Variants in ARAP1 observed in about 807,000 individuals in gnomAD.
The protein encoded by ARAP1 is arf-GAP with Rho-GAP domain, ANK repeat and PH domain-containing protein 1.
ARAP1 carries 76 observed loss-of-function variants against 172.2 expected under a neutral mutation model. The ratio of observed to expected loss-of-function variants is 0.44; its 90% CI spans 0.37 to 0.53. The LOEUF (loss-of-function observed/expected upper bound fraction) is 0.53. Ranked by LOEUF, ARAP1 falls within the 20% of genes least tolerant of loss-of-function variation. The probability of loss-of-function intolerance (pLI) is 0.00; values close to 1 mark genes in which losing one functional copy is unlikely to be tolerated. For missense variants in ARAP1, 1,686 were observed against 1,977.5 expected (o/e 0.85, Z 2.80); for synonymous variants, 804 against 803.3 (o/e 1.00, Z -0.01).
At chr11:72,686,705 C>A (rs1855702323) in intron 33 of ARAP1, among the ~76,000 whole-genome samples, 1 of 152,180 alleles carries the variant, frequency 6.6e-6, no homozygotes, top group South Asian at 2.1e-4. Context: ...GTCATCCCCA[C>A]CATGTCCCTG....
Position 72,707,387 on chromosome 11 carries a change from GGGTGGGGAGATT to G in ARAP1, c.1524-25_1524-14del, listed in dbSNP as rs1429312124. ...GTCAGCAGAGAAGCTGGGGACATAG[GGGTGGGGAGATT>G]AGTGGGGATGGACTCAGAGGGATTT... On this transcript the variant is annotated splice_polypyrimidine_tract_variant and intron_variant, in intron 11 of 34. Transcript: ENST00000393609. 1 of 1,605,724 alleles carries G rather than the reference GGGTGGGGAGATT, an allele frequency of 6.2e-7. No homozygotes were observed. Among genetic ancestry groups the G allele is most frequent in the Non-Finnish European group, 8.5e-7 (1 of 1,174,964 alleles).
At chr11:72,705,571 T>A in intron 13 of ARAP1, 1 of 489,690 alleles carries the variant, frequency 2.0e-6, no homozygotes, top group Non-Finnish European at 3.6e-6. Flanking sequence ...CCTTTTTTTT[T>A]CTTTAAAAAA....
intron 3 of ARAP1, chr11:72,721,809 G>A (rs1008539515): frequency 3.2e-5 from 32 of 985,810 alleles, no homozygotes; most frequent in Non-Finnish European, 3.6e-5. Context: ...TCCCTCCTAC[G>A]TGCCCAACAG....
At chr11:72,746,110 C>G (rs948040295) in intron 1 of ARAP1, among the ~76,000 whole-genome samples, 1 of 152,190 alleles carries the variant, frequency 6.6e-6, no homozygotes, top group Non-Finnish European at 1.5e-5. Flanking sequence ...TGATGGCCAG[C>G]AGTGTGACCC....
At chr11:72,722,228 T>C in intron 3 of ARAP1, 4 of 985,600 alleles carry the variant, frequency 4.1e-6, no homozygotes, top group Non-Finnish European at 2.4e-6. Context: ...TCTGTGTGTC[T>C]GTGTGTATGT....
intron 1 of ARAP1, among the ~76,000 whole-genome samples, chr11:72,746,443 G>A (rs574359852): frequency 1.3e-5 from 2 of 152,340 alleles, no homozygotes; most frequent in Non-Finnish European, 2.9e-5. Context: ...GCTGAAGCAC[G>A]GCACATGCCC....
chr11:72,697,431 T>C lies in ARAP1; in HGVS notation c.2845A>G (p.Ile949Val), dbSNP rs759824157. Residue 949 changes from isoleucine to valine, a missense_variant, in exon 21 of 35, where the codon ATC (isoleucine) becomes GTC (valine). By Grantham distance (29) the Ile-to-Val change is conservative (BLOSUM62 3). Transcript: ENST00000393609. ...CCCATGCTGGCGGCTGCTTTCTGGA[T>C]GGCCCCCAGCCAACCCATGAAGTCC... ...RLDFMGWLGAIQKAAASMGDT... is the reference protein window; with the variant it reads ...RLDFMGWLGAVQKAAASMGDT... 3.1e-6 allele frequency: 5 copies of C among 1,612,252 alleles called. No homozygotes were observed. In the Admixed American group the frequency reaches 8.3e-5, roughly 27 times the overall value.
chr11:72,687,754 G>A lies in ARAP1; in HGVS notation c.4071-16C>T. On this transcript the variant is annotated splice_polypyrimidine_tract_variant and intron_variant, in intron 31 of 34. Coordinates refer to ENST00000393609, the MANE Select transcript of ARAP1 (RefSeq NM_001040118.3). ...GAAGCCCCAGCTACAGAGGAAGAAG[G>A]GAGAGAGTTGGGTGTTTGACAGGCC... 6.2e-7 allele frequency: 1 copy of A among 1,614,096 alleles called. No individual in the cohort carries two copies. The highest frequency in any genetic ancestry group is 1.3e-5 in the African/African-American group (1 of 75,044).
chr11:72,724,837 T>C (rs1039750013), intron 3 of ARAP1, among the ~76,000 whole-genome samples: 1 of 152,150 alleles, frequency 6.6e-6, no homozygotes, highest in African/African-American at 2.4e-5. Flanking sequence ...AGATTTTGGG[T>C]ACTCAAACTA....
Position 72,686,148 on chromosome 11 carries a change from C to A in ARAP1, c.4229G>T (p.Arg1410Leu). The A allele has an allele frequency of 1.2e-6, 2 of 1,613,926 alleles. No individual in the cohort carries two copies. Among genetic ancestry groups the A allele is most frequent in the Non-Finnish European group, 1.7e-6 (2 of 1,180,026 alleles). Residue 1410 changes from arginine to leucine, a missense_variant, in exon 34 of 35, where the codon CGG becomes CTG. Arg to Leu is a moderately radical substitution (Grantham distance 102). Around this residue, in one of 5 missense-constraint regions of ARAP1, gnomAD observed 379 missense variants for 500.1 expected, o/e 0.76. Coordinates refer to ENST00000393609, the MANE Select transcript of ARAP1 (RefSeq NM_001040118.3). The stretch of plus-strand genomic sequence containing the variant: ...ACCCAGCCGGACCTCAGGCACTGCC[C>A]GGGACACGCGTGAGGGCTCTGAGGG... ...VWPSEPSRVS[R>L]AVPEVRLGSV... is the part of the protein sequence containing the mutation.
chr11:72,721,491 G>A (rs1857508725), intron 3 of ARAP1, among the ~76,000 whole-genome samples: 9 of 152,130 alleles, frequency 5.9e-5, no homozygotes, highest in Admixed American at 5.9e-4. Flanking sequence ...TCAGCACCAG[G>A]CCCCCAAGGG....
intron 3 of ARAP1, among the ~76,000 whole-genome samples, chr11:72,718,840 T>C (rs894213436): frequency 3.3e-5 from 5 of 152,138 alleles, no homozygotes; most frequent in Non-Finnish European, 5.9e-5. Context: ...TGTGCAGAAG[T>C]TGAGAGGCAG....
chr11:72,750,798 CA>C (rs1202334804), intron 1 of ARAP1, among the ~76,000 whole-genome samples: 1 of 152,196 alleles, frequency 6.6e-6, no homozygotes, highest in Non-Finnish European at 1.5e-5. Context: ...GCCCCATCCC[CA>C]CAGAGCTCCA....
chr11:72,699,650 G>A lies in ARAP1; in HGVS notation c.2303-98C>T. The A allele has an allele frequency of 1.4e-6, 2 of 1,464,786 alleles. No homozygotes were observed. The highest frequency in any genetic ancestry group is 2.1e-5 in the Admixed American group (1 of 46,574). 90.7% of individuals were successfully genotyped at this position (1,464,786 alleles called of 1,614,324 possible). On this transcript the variant is annotated intron_variant, in intron 16 of 34. Coordinates refer to ENST00000393609, the MANE Select transcript of ARAP1 (RefSeq NM_001040118.3). This position sits in a 1 kb window ranked among gnomAD's most constrained non-coding sequence, Gnocchi z 4.2. ...GGGCTCCTGCTCCCATCTGACCCAT[G>A]AGCTCTTCATTCTCTCAAGTTTTCC...
In ARAP1 at chr11:72,725,713, C is replaced by G. The variant is rs757006672; in HGVS notation, c.509+907G>C. 6.6e-6 allele frequency among the ~76,000 whole-genome samples: 1 copy of G among 152,130 alleles called. No individual in the cohort carries two copies. The highest frequency in any genetic ancestry group is 1.5e-5 in the Non-Finnish European group (1 of 68,016). On this transcript the variant is annotated intron_variant, in intron 3 of 34. Transcript: ENST00000393609. This position sits in a 1 kb window ranked among gnomAD's most constrained non-coding sequence, Gnocchi z 4.3. ...TCATGTCCTGCTCGTAAAGCCAGTA[C>G]ACAAATCTCCCAGAAGGTCTGCTGC...
intron 1 of ARAP1, among the ~76,000 whole-genome samples, chr11:72,745,616 ATGGAGTACCCAC>A (rs202087848): frequency 0.04 from 6,146 of 152,066 alleles, 173 homozygotes; most frequent in Non-Finnish European, 0.06. Flanking sequence ...CCATACCCGC[ATGGAGTACCCAC>A]TGGAGGGATG....
At position 72,685,671 on chromosome 11, in the gene ARAP1, T is replaced by C. The variant is rs1430851618; in HGVS notation, c.4346A>G (p.Asn1449Ser). Residue 1449 changes from asparagine to serine, a missense_variant, in exon 35 of 35, where the codon AAC (asparagine) becomes AGC (serine). Physicochemically the swap from Asn to Ser is conservative, Grantham distance 46 (BLOSUM62 1). Around this residue, in one of 5 missense-constraint regions of ARAP1, gnomAD observed 379 missense variants for 500.1 expected, o/e 0.76. Transcript: ENST00000393609. ...AAGGATGGGCTCCTGTGCTCAGACG[T>C]TGCGCAGAAGCTGCAGGAAGGCAAG... ...FTADPLSLLR[N>S]V 2.5e-6 allele frequency: 4 copies of C among 1,614,008 alleles called. No homozygotes were observed. The highest frequency in any genetic ancestry group is 3.4e-6 in the Non-Finnish European group (4 of 1,179,882).
Position 72,697,357 on chromosome 11 carries a change from G to T in ARAP1, c.2919C>A (p.Ile973=). ...TGATGTAGTCCACACAGCGGTACAC[G>T]ATCACCGGGATATCCGAGTCCCCAA... is the stretch of plus-strand genomic sequence containing the variant. The part of the protein sequence containing the change: ...QQLGDSDIPV[I]VYRCVDYITQ... The change falls in exon 21 of 35, where the codon ATC becomes ATA. Residue 973 remains isoleucine, a synonymous_variant. Transcript: ENST00000393609. The T allele has an allele frequency of 1.2e-6, 2 of 1,602,384 alleles. No homozygotes were observed. The highest frequency in any genetic ancestry group is 2.3e-5 in the East Asian group (1 of 44,394).
Position 72,695,667 on chromosome 11 carries a change from C to T in ARAP1, c.3421-39G>A, listed in dbSNP as rs775729590. On this transcript the variant is annotated intron_variant, in intron 24 of 34. Coordinates refer to ENST00000393609, the MANE Select transcript of ARAP1 (RefSeq NM_001040118.3). The surrounding 1 kb of genome is among the most constrained non-coding windows in gnomAD (Gnocchi z 4.4). Reference sequence around the variant, plus strand: ...AGAGGCAGGGACAGGTGGTCACCGTCATCTGCAAGGATCACCCCTGCCCTC... The same window carrying T: ...AGAGGCAGGGACAGGTGGTCACCGTTATCTGCAAGGATCACCCCTGCCCTC... 1 of 1,614,096 alleles carries T rather than the reference C, an allele frequency of 6.2e-7. No individual in the cohort carries two copies.
Sources: allele counts gnomAD v4.1 joint callset (sites outside exome capture counted in the v4.1 genomes callset), GRCh38; gene constraint gnomAD v4.1.1; regional missense constraint gnomAD v4.1.1; non-coding constraint Gnocchi (gnomAD v3.1); transcripts MANE v1.5; gene names NCBI Gene and HGNC (gene_info 2026-07-23, HGNC 2026-07-21).